Variants in NXF1 observed in about 807,000 individuals in gnomAD.
The protein encoded by NXF1 is mRNA export factor TAP.
NXF1 carries 43 observed loss-of-function variants against 92.4 expected under a neutral mutation model. The ratio of observed to expected loss-of-function variants is 0.47; its 90% CI spans 0.36 to 0.60. The LOEUF (loss-of-function observed/expected upper bound fraction) is 0.60, where lower values mean the gene tolerates loss of function less well. Among genes scored for constraint, NXF1 ranks in the 20% least tolerant of loss-of-function variants. The pLI, the probability that NXF1 is intolerant of heterozygous loss-of-function variation, is 0.00. For synonymous variants in NXF1, 288 were observed against 292.2 expected (o/e 0.99, Z 0.15); for missense variants, 576 against 793.0 (o/e 0.73, Z 3.29).
intron 18 of NXF1, chr11:62,794,726 A>C: frequency 1.7e-6 from 1 of 594,890 alleles, no homozygotes; most frequent in East Asian, 2.8e-5. Context: ...GCAGCAGCCT[A>C]CTTGCTAGAA....
chr11:62,793,040 G>T (rs983830929), intron 19 of NXF1, among the ~76,000 whole-genome samples: 1 of 151,172 alleles, frequency 6.6e-6, no homozygotes, highest in East Asian at 1.9e-4. Context: ...TTATACACAG[G>T]CAAATTTTTT....
chr11:62,798,794 G>C, intron 10 of NXF1: 1 of 1,367,052 alleles, frequency 7.3e-7, no homozygotes, highest in South Asian at 1.8e-5. Context: ...TTTTCTCTCT[G>C]CCTGACCCTG....
intron 2 of NXF1, 33 bp from the exon 3 acceptor site, chr11:62,803,605 A>G: frequency 6.2e-7 from 1 of 1,613,024 alleles, no homozygotes; most frequent in Non-Finnish European, 8.5e-7. Context: ...ATGACCACAA[A>G]TGCTAGGAAA....
intron 10 of NXF1, chr11:62,799,192 C>G (rs2084452992): frequency 1.0e-6 from 1 of 985,600 alleles, no homozygotes; most frequent in Non-Finnish European, 1.2e-6. Context: ...AGAGAAAGAA[C>G]TACAAGGCAA....
chr11:62,803,320 AAAT>A (rs546139081), intron 3 of NXF1, 96 bp downstream of exon 3: 47 of 1,087,108 alleles, frequency 4.3e-5, no homozygotes, highest in South Asian at 1.3e-4. Flanking sequence ...CATTTAAAAA[AAAT>A]AATAATAATA....
chr11:62,799,458 T>A (rs2084455944), intron 10 of NXF1: 3 of 985,790 alleles, frequency 3.0e-6, no homozygotes, highest in Non-Finnish European at 2.4e-6. Context: ...TGTAGGATTG[T>A]GGGGGTGAGG....
At chr11:62,798,658 C>G (rs1165172518) in intron 10 of NXF1, 83 bp from the exon 11 acceptor site, 12 of 1,594,900 alleles carry the variant, frequency 7.5e-6, no homozygotes, top group Admixed American at 5.3e-5. Flanking sequence ...ATACCAAACC[C>G]GAGGGACAGC....
chr11:62,801,059 C>G (rs1445974777), intron 9 of NXF1, 35 bp downstream of exon 9: 2 of 1,492,106 alleles, frequency 1.3e-6, no homozygotes, highest in East Asian at 2.3e-5. Context: ...CTCTACCCAC[C>G]CCTTCAAAAA....
Position 62,802,001 on chromosome 11 carries a change from T to C in NXF1, c.499A>G (p.Ser167Gly), listed in dbSNP as rs2084484027. 3.7e-6 allele frequency: 6 copies of C among 1,614,134 alleles called. No individual in the cohort carries two copies. The African/African-American group carries it at 8.0e-5, about 22-fold the overall frequency. ...TRAQFFVEDA[S>G]TASALKAVNY... The stretch of plus-strand genomic sequence containing the variant: ...ACAGCCTTCAATGCAGAGGCAGTAC[T>C]GGCGTCTTCAACGAAGAACTGGGCC... The change falls in exon 5 of 21, where the codon AGT (serine) becomes GGT (glycine). Residue 167 changes from serine to glycine, a missense_variant. Ser to Gly is a moderately conservative substitution (Grantham distance 56). Around this residue, in one of 2 missense-constraint regions of NXF1, gnomAD observed 425 missense variants for 635.2 expected, o/e 0.67. Coordinates refer to ENST00000294172, the MANE Select transcript of NXF1 (RefSeq NM_006362.5).
chr11:62,799,009 G>A (rs1191971052), intron 10 of NXF1: 10 of 1,004,630 alleles, frequency 1.0e-5, no homozygotes, highest in Non-Finnish European at 1.2e-5. Flanking sequence ...CCACAGGGAT[G>A]GCACAGGATG....
rs1565198293 is a variant in NXF1, at chr11:62,796,347, TG to T, written c.1287-3del. On this transcript the variant is annotated splice_region_variant and splice_polypyrimidine_tract_variant and intron_variant, in intron 14 of 20. Transcript: ENST00000294172. ...TTGAAATACTCGGCTAAGCTGCTTCTGGGGGAATAAAAGGAATGGACGTGGT... is the reference window on the plus strand; with the variant it reads ...TTGAAATACTCGGCTAAGCTGCTTCTGGGGAATAAAAGGAATGGACGTGGT... The T allele has an allele frequency of 6.2e-7, 1 of 1,614,152 alleles. No homozygotes were observed. Among genetic ancestry groups the T allele is most frequent in the Non-Finnish European group, 8.5e-7 (1 of 1,180,032 alleles).
rs781391430 is a variant in NXF1, at chr11:62,797,297, T to TA, written c.1122+20dup. The TA allele has an allele frequency of 7.4e-6, 12 of 1,614,172 alleles. No homozygotes were observed. In the East Asian group the frequency reaches 2.7e-4, roughly 36 times the overall value. ...AGTATTCTCTCCACACACAAGTTCT[T>TA]ACTCTGTCCATGCTTCCTACCTTGC... On this transcript the variant is annotated intron_variant, in intron 12 of 20. Transcript: ENST00000294172.
At chr11:62,792,779 C>G (rs1815870) in intron 19 of NXF1, 78 bp from the exon 20 acceptor site, 90,524 of 1,311,430 alleles carry the variant, frequency 0.069, 4,401 homozygotes, top group African/African-American at 0.21. Context: ...ATAAAAGCAC[C>G]CAAGTTTGCC....
chr11:62,793,207 T>C (rs1242315972), intron 19 of NXF1, among the ~76,000 whole-genome samples: 1 of 151,968 alleles, frequency 6.6e-6, no homozygotes, highest in Non-Finnish European at 1.5e-5. Context: ...GCCTCCCGAG[T>C]AGTTGGGACT....
chr11:62,805,421 C>A lies in NXF1; in HGVS notation c.-65G>T. Reference sequence around the variant, plus strand: ...CTACGCCGGCAAACAACCTAACTCCCAAGCGCTCAGGACCGAAGTGTCCCT... The same window carrying A: ...CTACGCCGGCAAACAACCTAACTCCAAAGCGCTCAGGACCGAAGTGTCCCT... On this transcript the variant is annotated 5_prime_UTR_variant, in exon 1 of 21. Coordinates refer to ENST00000294172, the MANE Select transcript of NXF1 (RefSeq NM_006362.5). 2 of 1,604,466 alleles carry A rather than the reference C, an allele frequency of 1.2e-6. No homozygotes were observed. Among genetic ancestry groups the A allele is most frequent in the Admixed American group, 1.7e-5 (1 of 58,828 alleles).
chr11:62,800,604 T>A, intron 9 of NXF1, 118 bp from the exon 10 acceptor site: 1 of 637,628 alleles, frequency 1.6e-6, no homozygotes, highest in Non-Finnish European at 2.6e-6. Flanking sequence ...TAAAATTTTT[T>A]CTTTTTTTTT....
intron 17 of NXF1, 69 bp from the exon 18 acceptor site, chr11:62,795,076 C>T: frequency 7.0e-7 from 1 of 1,419,796 alleles, no homozygotes; most frequent in South Asian, 1.2e-5. Context: ...CTTCTTGAAT[C>T]ATGGTCTTTG....
At position 62,795,954 on chromosome 11, in the gene NXF1, A is replaced by C. The variant is rs760158056; in HGVS notation, c.1462-11T>G. ...ACACAGCAATGTGCTCTGAAAGAGA[A>C]GCAGCATCAGGTACAATGTACACTT... On this transcript the variant is annotated splice_polypyrimidine_tract_variant and intron_variant, in intron 16 of 20. Coordinates refer to ENST00000294172, the MANE Select transcript of NXF1 (RefSeq NM_006362.5). 2 of 1,614,068 alleles carry C rather than the reference A, an allele frequency of 1.2e-6. No individual in the cohort carries two copies. The highest frequency in any genetic ancestry group is 4.5e-5 in the East Asian group (2 of 44,880).
intron 3 of NXF1, 133 bp from the exon 4 acceptor site, chr11:62,802,393 C>T (rs1287065267): frequency 4.5e-6 from 3 of 668,018 alleles, no homozygotes; most frequent in Admixed American, 2.7e-5. Flanking sequence ...AGGTTTTCTA[C>T]TTGAGATACA....
Sources: gnomAD v4.1 joint callset for allele counts (sites outside exome capture counted in the v4.1 genomes callset) on GRCh38, gnomAD v4.1.1 for gene constraint, gnomAD v4.1.1 regional missense constraint, MANE v1.5 for transcripts, NCBI Gene and HGNC (gene_info 2026-07-23, HGNC 2026-07-21) for gene names.